Variants in OGG1 observed in about 807,000 individuals in gnomAD.
OGG1 encodes N-glycosylase/DNA lyase.
A neutral mutation model predicts 42.3 loss-of-function variants in OGG1; 35 were observed. The ratio of observed to expected loss-of-function variants is 0.83; its 90% CI spans 0.63 to 1.10. The LOEUF (loss-of-function observed/expected upper bound fraction) is 1.10, where lower values mean the gene tolerates loss of function less well. OGG1 is among the 50% of genes least tolerant of loss of function. The pLI, the probability that OGG1 is intolerant of heterozygous loss-of-function variation, is 0.00. For synonymous variants in OGG1, 189 were observed against 179.0 expected (o/e 1.06, Z -0.44); for missense variants, 484 against 446.7 (o/e 1.08, Z -0.75).
rs2078415292 is a variant in OGG1 at position 9,779,626 on chromosome 3, ACAC to A, written c.295-1886_295-1884del. Among the ~76,000 whole-genome samples the A allele has an allele frequency of 9.9e-5, 15 of 152,234 alleles. No homozygotes were observed. The South Asian group carries it at 2.9e-3, about 30-fold the overall frequency. On this transcript the variant is annotated intron_variant, in intron 2 of 3. Coordinates refer to the OGG1 transcript ENST00000426518. Reference sequence around the variant, plus strand: ...CATATGTAACAAACCTGCACGTTGTACACATGTACCCTAGAACTTAAATTAAAA... The same window carrying A: ...CATATGTAACAAACCTGCACGTTGTAATGTACCCTAGAACTTAAATTAAAA...
intron 1 of OGG1, 85 bp downstream of exon 1, chr3:9,750,508 TG>T: frequency 6.3e-7 from 1 of 1,577,644 alleles, no homozygotes. Context: ...CAAAGGAATT[TG>T]GGGGATGATG....
At chr3:9,753,181 C>G (rs2077380603) in intron 3 of OGG1, among the ~76,000 whole-genome samples, 7 of 151,930 alleles carry the variant, frequency 4.6e-5, no homozygotes, top group Admixed American at 3.3e-4. Context: ...GTGAAACCCG[C>G]TCTCTGCTAA....
chr3:9,787,616 A>T (rs1575304965), intron 3 of OGG1: 1 of 1,195,026 alleles, frequency 8.4e-7, no homozygotes, highest in East Asian at 3.1e-5. Context: ...AGATTGTCTC[A>T]GGTCACAGCA....
chr3:9,781,521 G>T, exon 3 of OGG1: 1 of 456,512 alleles, frequency 2.2e-6, no homozygotes, highest in Non-Finnish European at 4.4e-6. Flanking sequence ...AGGTGTTCCG[G>T]TGCCAGCAGA....
intron 2 of OGG1, among the ~76,000 whole-genome samples, chr3:9,779,552 T>C (rs942011202): frequency 3.3e-5 from 5 of 152,020 alleles, no homozygotes; most frequent in African/African-American, 1.2e-4. Context: ...ATATACCTAA[T>C]GTAAATGACG....
At chr3:9,784,253 T>A in intron 3 of OGG1, 1 of 1,582,166 alleles carries the variant, frequency 6.3e-7, no homozygotes, top group South Asian at 1.1e-5. Context: ...AAGAGCCAGC[T>A]TGGAGAAGGG....
At chr3:9,787,426 C>A in intron 3 of OGG1, 1 of 1,505,208 alleles carries the variant, frequency 6.6e-7, no homozygotes, top group South Asian at 1.4e-5. Context: ...TATCTTATAT[C>A]TCTCTCAAGT....
chr3:9,752,712 A>G (rs1218432628), intron 3 of OGG1, among the ~76,000 whole-genome samples: 1 of 152,188 alleles, frequency 6.6e-6, no homozygotes, highest in East Asian at 1.9e-4. Context: ...CTGCATAGCA[A>G]AGAGACAGAC....
chr3:9,759,892 A>G (rs552415701), downstream of OGG1: 98 of 1,408,860 alleles, frequency 7.0e-5, no homozygotes, highest in East Asian at 7.9e-4. Flanking sequence ...CACCCAACCT[A>G]TGCTCTTCTT....
At chr3:9,778,986 C>A (rs1274485027) in intron 2 of OGG1, among the ~76,000 whole-genome samples, 2 of 152,146 alleles carry the variant, frequency 1.3e-5, no homozygotes, top group African/African-American at 4.8e-5. Context: ...GGACCTCAAC[C>A]TTCCCACAGT....
Position 9,750,227 on chromosome 3 carries a change from C to A in OGG1, c.-60C>A. 1 of 1,565,562 alleles carries A rather than the reference C, an allele frequency of 6.4e-7. No individual in the cohort carries two copies. Among genetic ancestry groups the A allele is most frequent in the Non-Finnish European group, 8.6e-7 (1 of 1,157,442 alleles). On this transcript the variant is annotated 5_prime_UTR_variant, in exon 1 of 7. Transcript: ENST00000344629. Reference sequence around the variant, plus strand: ...TCCTTGTCTGGGCGGGGTCTTTGGGCGTCGACGAGGCCTGGTTCTGGGTAG... The same window carrying A: ...TCCTTGTCTGGGCGGGGTCTTTGGGAGTCGACGAGGCCTGGTTCTGGGTAG...
chr3:9,779,520 G>C (rs571881391), intron 2 of OGG1, among the ~76,000 whole-genome samples: 19 of 151,962 alleles, frequency 1.3e-4, no homozygotes, highest in African/African-American at 3.9e-4. Context: ...CTTGGGGGAG[G>C]GGGGAGGGAA....
At chr3:9,777,755 C>T (rs888143407) in intron 2 of OGG1, among the ~76,000 whole-genome samples, 3 of 152,190 alleles carry the variant, frequency 2.0e-5, no homozygotes, top group African/African-American at 7.2e-5. Context: ...TGTCAGCTCT[C>T]ATCCCACCTC....
downstream of OGG1, among the ~76,000 whole-genome samples, chr3:9,768,857 C>T (rs13084184): frequency 0.22 from 33,825 of 152,014 alleles, 4,187 homozygotes; most frequent in East Asian, 0.56. Flanking sequence ...CCCAGGGGAC[C>T]CTGCCCACCC....
intron 7 of OGG1, among the ~76,000 whole-genome samples, chr3:9,765,434 G>C (rs1040464111): frequency 1.3e-5 from 2 of 152,132 alleles, no homozygotes; most frequent in African/African-American, 4.8e-5. Context: ...AGGGGAACTT[G>C]AGGTAGGTCC....
rs574551301 is a variant in OGG1 at position 9,780,398 on chromosome 3, G to A, written c.295-1115G>A. ...TTCAGGATGCTCTCACGCTCCTTCAGAGTCTTCCAGGCCTGGTCCTTTTCT... is the reference window on the plus strand; with the variant it reads ...TTCAGGATGCTCTCACGCTCCTTCAAAGTCTTCCAGGCCTGGTCCTTTTCT... On this transcript the variant is annotated intron_variant, in intron 2 of 3. Transcript: ENST00000426518. The A allele has an allele frequency of 4.3e-6, 7 of 1,613,562 alleles. No homozygotes were observed. In the Admixed American group the frequency reaches 1.0e-4, roughly 23 times the overall value.
intron 2 of OGG1, among the ~76,000 whole-genome samples, chr3:9,777,858 A>C (rs2078384577): frequency 6.6e-6 from 1 of 152,136 alleles, no homozygotes; most frequent in Non-Finnish European, 1.5e-5. Flanking sequence ...TGAGTGGTTA[A>C]GAGGAGGGGG....
chr3:9,757,876 G>A (rs2077659929), downstream of OGG1: 1 of 1,580,068 alleles, frequency 6.3e-7, no homozygotes, highest in East Asian at 2.3e-5. The surrounding 1 kb of genome is among the most constrained non-coding windows in gnomAD (Gnocchi z 4.5). Context: ...AGGGAGAGGG[G>A]AGAAAGGACT....
intron 3 of OGG1, among the ~76,000 whole-genome samples, chr3:9,786,449 A>T (rs1241605395): frequency 6.6e-6 from 1 of 152,212 alleles, no homozygotes; most frequent in Non-Finnish European, 1.5e-5. Flanking sequence ...CTGAGTCTCA[A>T]TGAGGTGAAA....
Sources: gnomAD v4.1 joint callset for allele counts (sites outside exome capture counted in the v4.1 genomes callset) on GRCh38, gnomAD v4.1.1 for gene constraint, Gnocchi (gnomAD v3.1) non-coding constraint, MANE v1.5 for transcripts, NCBI Gene and HGNC (gene_info 2026-07-23, HGNC 2026-07-21) for gene names.